The following RAPGEF4 variants were observed in gnomAD, a reference collection of about 807,000 sequenced individuals.
The protein encoded by RAPGEF4 is RAP guanine-nucleotide-exchange factor (GEF) 4.
RAPGEF4 carries 66 observed loss-of-function variants against 147.9 expected under a neutral mutation model. The ratio of observed to expected loss-of-function variants is 0.45; its 90% CI spans 0.37 to 0.55. The LOEUF is 0.55. RAPGEF4 is among the 20% of genes least tolerant of loss of function. RAPGEF4 has a pLI of 0.00. For missense variants in RAPGEF4, 1,071 were observed against 1,257.3 expected (o/e 0.85, Z 2.24); for synonymous variants, 419 against 442.7 (o/e 0.95, Z 0.67).
chr2:172,763,305 C>T (rs1696518944), intron 1 of RAPGEF4, among the ~76,000 whole-genome samples: 1 of 152,184 alleles, frequency 6.6e-6, no homozygotes, highest in African/African-American at 2.4e-5. Flanking sequence ...GCCTATTTGT[C>T]ATATATTGAA....
intron 17 of RAPGEF4, among the ~76,000 whole-genome samples, chr2:173,002,736 A>G (rs950434593): frequency 1.3e-5 from 2 of 152,038 alleles, no homozygotes; most frequent in African/African-American, 4.8e-5. Flanking sequence ...TTTGAAGTAA[A>G]CAATGTATGA....
intron 4 of RAPGEF4, among the ~76,000 whole-genome samples, chr2:172,836,726 G>C (rs185242567): frequency 6.6e-6 from 1 of 152,194 alleles, no homozygotes; most frequent in African/African-American, 2.4e-5. Flanking sequence ...GGTAAAGCCA[G>C]GAAATACAAC....
At chr2:172,755,433 T>G (rs542753258) in intron 1 of RAPGEF4, among the ~76,000 whole-genome samples, 1 of 152,182 alleles carries the variant, frequency 6.6e-6, no homozygotes, top group Non-Finnish European at 1.5e-5. Context: ...GCACTCTTGT[T>G]GCCCAGGCTG....
At chr2:172,980,072 A>G (rs1202821051) in intron 10 of RAPGEF4, among the ~76,000 whole-genome samples, 1 of 152,242 alleles carries the variant, frequency 6.6e-6, no homozygotes, top group Non-Finnish European at 1.5e-5. Flanking sequence ...AAGTATTTTA[A>G]GCAAAGAGAA....
intron 16 of RAPGEF4, among the ~76,000 whole-genome samples, chr2:173,001,047 T>A (rs1693869408): frequency 6.6e-6 from 1 of 152,184 alleles, no homozygotes; most frequent in South Asian, 2.1e-4. Flanking sequence ...TGTCTCTCTT[T>A]AAAATATTAT....
intron 4 of RAPGEF4, 120 bp downstream of exon 4, chr2:172,814,545 T>C: frequency 7.9e-7 from 1 of 1,262,724 alleles, no homozygotes; most frequent in South Asian, 1.3e-5. Flanking sequence ...GTAGATGGAA[T>C]TTAATTTTCA....
At chr2:172,863,228 C>T (rs1347075930) in intron 4 of RAPGEF4, among the ~76,000 whole-genome samples, 2 of 151,988 alleles carry the variant, frequency 1.3e-5, no homozygotes, top group Non-Finnish European at 2.9e-5. Context: ...TACAGTATTT[C>T]AGGGACTTAT....
At chr2:172,862,555 T>C (rs956346894) in intron 4 of RAPGEF4, among the ~76,000 whole-genome samples, 1 of 152,224 alleles carries the variant, frequency 6.6e-6, no homozygotes, top group African/African-American at 2.4e-5. Context: ...ACGTTTCTCT[T>C]ATAAATCCCA....
intron 4 of RAPGEF4, among the ~76,000 whole-genome samples, chr2:172,897,897 T>G (rs1264136786): frequency 7.8e-6 from 1 of 127,842 alleles, no homozygotes; most frequent in Non-Finnish European, 1.7e-5. Context: ...GTAAAGCACT[T>G]TCGCACAAGC....
chr2:173,020,885 G>A (rs1696023816), intron 23 of RAPGEF4, among the ~76,000 whole-genome samples, 170 bp downstream of exon 23: 2 of 152,140 alleles, frequency 1.3e-5, no homozygotes, highest in Non-Finnish European at 1.5e-5. Context: ...GAGATGCTCA[G>A]GGCTTTTGAT....
chr2:172,928,104 G>A lies in RAPGEF4; in HGVS notation c.537+5804G>A, dbSNP rs138794062. 2,232 of 426,846 alleles carry A rather than the reference G, an allele frequency of 5.2e-3. 19 individuals are homozygous for A. The highest frequency in any genetic ancestry group is 8.6e-3 in the Non-Finnish European group (1,830 of 213,662). The allele number at this position is 426,846 out of a possible 1,614,324, so 26.4% of individuals were successfully genotyped here. On this transcript the variant is annotated intron_variant, in intron 6 of 30. Transcript: ENST00000397081. ...TTCATTAGCTGGCCTATTAGAAAGC[G>A]TAACCCCCGAGCCAGGACTTATTTT... is the stretch of plus-strand genomic sequence containing the variant.
Position 172,965,693 on chromosome 2 carries a change from G to A in RAPGEF4, c.820+10G>A, listed in dbSNP as rs1373981632. 6.2e-7 allele frequency: 1 copy of A among 1,614,114 alleles called. No individual in the cohort carries two copies. The highest frequency in any genetic ancestry group is 1.1e-5 in the South Asian group (1 of 91,078). On this transcript the variant is annotated intron_variant, in intron 9 of 30. Transcript: ENST00000397081. ...GGTGTTCTCAACCACGGTAAGATGA[G>A]CCCCAGTCCCTGGAAACCTCTCAAG...
intron 4 of RAPGEF4, among the ~76,000 whole-genome samples, chr2:172,874,178 C>A (rs1411907405): frequency 6.6e-6 from 1 of 152,146 alleles, no homozygotes; most frequent in Non-Finnish European, 1.5e-5. Context: ...TACCATTTGA[C>A]CCAGCAATCC....
At chr2:172,751,387 C>G (rs192294347) in intron 1 of RAPGEF4, among the ~76,000 whole-genome samples, 1 of 152,170 alleles carries the variant, frequency 6.6e-6, no homozygotes, top group East Asian at 1.9e-4. Context: ...TAGTATGTGC[C>G]AGATGCTGTT....
chr2:173,048,894 G>A (rs932529713), intron 30 of RAPGEF4, among the ~76,000 whole-genome samples: 1 of 152,150 alleles, frequency 6.6e-6, no homozygotes, highest in Non-Finnish European at 1.5e-5. Context: ...TTTTGTGAAT[G>A]AATTTAAAGA....
chr2:172,861,804 A>G (rs1196702441), intron 4 of RAPGEF4, among the ~76,000 whole-genome samples: 1 of 152,186 alleles, frequency 6.6e-6, no homozygotes, highest in Non-Finnish European at 1.5e-5. Context: ...TGAATAGTTG[A>G]GTTTTGGAGG....
intron 4 of RAPGEF4, among the ~76,000 whole-genome samples, chr2:172,905,540 G>A (rs1699535331): frequency 6.6e-6 from 1 of 152,196 alleles, no homozygotes; most frequent in South Asian, 2.1e-4. Flanking sequence ...ACTGTCACAG[G>A]CCAGGAGGAG....
At chr2:172,846,232 A>G (rs748866214) in intron 4 of RAPGEF4, among the ~76,000 whole-genome samples, 9 of 152,098 alleles carry the variant, frequency 5.9e-5, no homozygotes, top group African/African-American at 1.7e-4. Context: ...TCTCATGCCT[A>G]TTTATAGTTA....
intron 4 of RAPGEF4, among the ~76,000 whole-genome samples, chr2:172,909,616 G>A (rs1257945874): frequency 6.6e-6 from 1 of 152,064 alleles, no homozygotes; most frequent in Non-Finnish European, 1.5e-5. Context: ...GCATGTGGGG[G>A]CCACATAAAG....
Sources: allele counts gnomAD v4.1 joint callset (sites outside exome capture counted in the v4.1 genomes callset), GRCh38; gene constraint gnomAD v4.1.1; transcripts MANE v1.5; gene names NCBI Gene and HGNC (gene_info 2026-07-23, HGNC 2026-07-21).